Variants in SGMS1 observed in about 807,000 individuals in gnomAD.
SGMS1 encodes phosphatidylcholine:ceramide cholinephosphotransferase 1.
Under a neutral mutation model 46.2 loss-of-function variants are expected in SGMS1, and 13 were observed. The observed-to-expected ratio is 0.28, with a 90% CI of 0.18 to 0.45. SGMS1 has a LOEUF of 0.45. Ranked by LOEUF, SGMS1 falls within the 20% of genes least tolerant of loss-of-function variation. SGMS1 has a pLI of 1.00. For missense variants in SGMS1, 324 were observed against 519.9 expected, an observed-to-expected ratio of 0.62 and a Z score of 3.66; for synonymous variants, 203 against 187.8, an observed-to-expected ratio of 1.08 and a Z score of -0.66.
chr10:50,532,097 G>A (rs10826155), intron 2 of SGMS1, among the ~76,000 whole-genome samples: 45,226 of 151,982 alleles, frequency 0.3, 7,735 homozygotes, highest in East Asian at 0.64. Context: ...GTCACCATCC[G>A]TGTGGAGTCC....
At chr10:50,393,678 A>C (rs10825861) in intron 6 of SGMS1, among the ~76,000 whole-genome samples, 27,488 of 152,180 alleles carry the variant, frequency 0.18, 2,725 homozygotes, top group East Asian at 0.26. Context: ...ATGAGTTCTG[A>C]GACCAATTAC....
intron 1 of SGMS1, among the ~76,000 whole-genome samples, chr10:50,596,344 T>G (rs1838592857): frequency 6.6e-6 from 1 of 152,186 alleles, no homozygotes; most frequent in Non-Finnish European, 1.5e-5. Context: ...ACCTGGCTAA[T>G]TTTTTGTATT....
chr10:50,525,158 T>A (rs910135928), intron 2 of SGMS1, among the ~76,000 whole-genome samples: 1 of 152,164 alleles, frequency 6.6e-6, no homozygotes, highest in Non-Finnish European at 1.5e-5. Flanking sequence ...AATAATTAAA[T>A]CAATTCCATC....
intron 1 of SGMS1, among the ~76,000 whole-genome samples, chr10:50,615,878 CAT>C (rs1838791914): frequency 1.3e-5 from 2 of 152,302 alleles, no homozygotes; most frequent in South Asian, 2.1e-4. Flanking sequence ...CCATCTGTCA[CAT>C]AGAGTTCTCT....
At chr10:50,436,017 A>G (rs1849469490) in intron 5 of SGMS1, among the ~76,000 whole-genome samples, 1 of 152,228 alleles carries the variant, frequency 6.6e-6, no homozygotes, top group African/African-American at 2.4e-5. Flanking sequence ...AAATATTTTA[A>G]TAGATTAGTT....
chr10:50,382,724 A>G (rs934418743), intron 6 of SGMS1, among the ~76,000 whole-genome samples: 1 of 152,180 alleles, frequency 6.6e-6, no homozygotes, highest in Non-Finnish European at 1.5e-5. Context: ...TCTAAGTTAC[A>G]GCTCCTCTCA....
chr10:50,423,905 C>T (rs1394074871), intron 6 of SGMS1, among the ~76,000 whole-genome samples: 1 of 152,180 alleles, frequency 6.6e-6, no homozygotes, highest in East Asian at 1.9e-4. Flanking sequence ...TCAATTTAAT[C>T]CATTTACCGA....
intron 3 of SGMS1, among the ~76,000 whole-genome samples, chr10:50,508,289 G>T (rs16937786): frequency 0.076 from 11,631 of 152,150 alleles, 1,107 homozygotes; most frequent in East Asian, 0.37. Flanking sequence ...TGAGACTCAG[G>T]GGCCATAAGT....
At chr10:50,596,475 G>A (rs1838594439) in intron 1 of SGMS1, among the ~76,000 whole-genome samples, 1 of 152,208 alleles carries the variant, frequency 6.6e-6, no homozygotes, top group Non-Finnish European at 1.5e-5. Flanking sequence ...ACCACGCCCA[G>A]CCCAATTTCT....
At chr10:50,389,540 C>T (rs1848733984) in intron 6 of SGMS1, among the ~76,000 whole-genome samples, 1 of 152,174 alleles carries the variant, frequency 6.6e-6, no homozygotes. Context: ...ACCAGCAAGG[C>T]TGAGACTAGG....
chr10:50,468,129 T>C (rs939093180), intron 3 of SGMS1, among the ~76,000 whole-genome samples: 8 of 152,158 alleles, frequency 5.3e-5, no homozygotes, highest in African/African-American at 7.2e-5. Context: ...TAATGCATGA[T>C]CTCGCTTAAT....
intron 1 of SGMS1, among the ~76,000 whole-genome samples, chr10:50,595,849 A>T (rs1838586867): frequency 1.3e-5 from 2 of 152,190 alleles, no homozygotes; most frequent in South Asian, 4.1e-4. Flanking sequence ...GTGGGTGCCG[A>T]TAAGAGCAGA....
chr10:50,592,271 A>G (rs536725549), intron 1 of SGMS1, among the ~76,000 whole-genome samples: 1 of 152,376 alleles, frequency 6.6e-6, no homozygotes, highest in Non-Finnish European at 1.5e-5. Context: ...TAAGTAAATG[A>G]ATCAATAATT....
At chr10:50,528,043 T>TAAATAA (rs1239075233) in intron 2 of SGMS1, among the ~76,000 whole-genome samples, 1 of 152,148 alleles carries the variant, frequency 6.6e-6, no homozygotes, top group Non-Finnish European at 1.5e-5. Flanking sequence ...AAATACTAAA[T>TAAATAA]AAATAAATTG....
intron 6 of SGMS1, among the ~76,000 whole-genome samples, chr10:50,408,431 T>TA (rs71029307): frequency 0.062 from 5,813 of 94,436 alleles, 162 homozygotes; most frequent in South Asian, 0.084. Flanking sequence ...CCTCATCTCT[T>TA]AAAAAAAAAA....
chr10:50,443,418 A>C (rs1849570100), intron 5 of SGMS1, among the ~76,000 whole-genome samples: 1 of 152,154 alleles, frequency 6.6e-6, no homozygotes, highest in African/African-American at 2.4e-5. Flanking sequence ...AAAAAAAGAC[A>C]ACATATGAGA....
intron 2 of SGMS1, among the ~76,000 whole-genome samples, chr10:50,551,641 C>A (rs1461281440): frequency 4.6e-5 from 7 of 152,138 alleles, no homozygotes; most frequent in South Asian, 2.1e-4. Flanking sequence ...TCTGTACTAT[C>A]TTTGCAACTT....
At chr10:50,414,142 G>A (rs947112539) in intron 6 of SGMS1, among the ~76,000 whole-genome samples, 1 of 152,204 alleles carries the variant, frequency 6.6e-6, no homozygotes, top group East Asian at 1.9e-4. Flanking sequence ...GTTCACACCT[G>A]TCATCCCAGC....
At chr10:50,540,943 G>A (rs1455301663) in intron 2 of SGMS1, among the ~76,000 whole-genome samples, 1 of 152,106 alleles carries the variant, frequency 6.6e-6, no homozygotes, top group East Asian at 1.9e-4. Flanking sequence ...GGACCAGGAG[G>A]GTGGATTTGA....
Sources: allele counts gnomAD v4.1 joint callset (sites outside exome capture counted in the v4.1 genomes callset), GRCh38; gene constraint gnomAD v4.1.1; transcripts MANE v1.5; gene names NCBI Gene and HGNC (gene_info 2026-07-23, HGNC 2026-07-21).